Variants in RAB27A observed in about 807,000 individuals in gnomAD.
RAB27A encodes RAB27A, member RAS oncogene family, also known as ras-related protein Rab-27A.
In RAB27A, 17 loss-of-function variants were observed where a neutral mutation model predicts 20.8. That is an observed-to-expected ratio of 0.82 (90% confidence interval 0.56 to 1.23). RAB27A has a LOEUF of 1.23. Among genes scored for constraint, RAB27A ranks in the 50% most tolerant of loss-of-function variants. The pLI, the probability that RAB27A is intolerant of heterozygous loss-of-function variation, is 0.00. For missense variants in RAB27A, 277 were observed against 266.7 expected, an observed-to-expected ratio of 1.04 and a Z score of -0.27; for synonymous variants, 85 against 92.8, an observed-to-expected ratio of 0.92 and a Z score of 0.48.
intron 1 of RAB27A, chr15:55,314,240 T>G (rs2055034297): frequency 1.3e-5 from 2 of 151,876 alleles, no homozygotes; most frequent in Non-Finnish European, 2.9e-5. Flanking sequence ...GAATTTACAT[T>G]TTAAGAAAAA....
At chr15:55,212,686 C>T (rs1010928430) in intron 6 of RAB27A, among the ~76,000 whole-genome samples, 1 of 152,102 alleles carries the variant, frequency 6.6e-6, no homozygotes, top group Non-Finnish European at 1.5e-5. Context: ...GCTGCCACCA[C>T]GCCCGTTTAA....
Position 55,202,967 on chromosome 15 carries a change from T to G in RAB27A, c.*2540A>C, listed in dbSNP as rs1894466368. 6.6e-6 allele frequency: 1 copy of G among 152,224 alleles called. No individual in the cohort carries two copies. Among genetic ancestry groups the G allele is most frequent in the African/African-American group, 2.4e-5 (1 of 41,452 alleles). 9.4% of individuals were successfully genotyped at this position (152,224 alleles called of 1,614,324 possible). ...AATACAGTTACGTTCACACACAAATTTGACAGACTAGACCACTTTTTTATT... is the reference window on the plus strand; with the variant it reads ...AATACAGTTACGTTCACACACAAATGTGACAGACTAGACCACTTTTTTATT... On this transcript the variant is annotated 3_prime_UTR_variant, in exon 7 of 7. Transcript: ENST00000336787.
intron 6 of RAB27A, among the ~76,000 whole-genome samples, chr15:55,211,958 CTTTT>C (rs539618132): frequency 1.6e-5 from 2 of 124,342 alleles, no homozygotes; most frequent in Non-Finnish European, 3.4e-5. Flanking sequence ...GGACTATAAC[CTTTT>C]TTTTTTTTTT....
At chr15:55,269,085 G>C (rs1897614384) in intron 2 of RAB27A, among the ~76,000 whole-genome samples, 1 of 152,110 alleles carries the variant, frequency 6.6e-6, no homozygotes, top group Non-Finnish European at 1.5e-5. Flanking sequence ...CCTCAAAAGG[G>C]ACCAACCCCG....
At chr15:55,225,806 C>T (rs1895771968) in intron 5 of RAB27A, among the ~76,000 whole-genome samples, 1 of 152,144 alleles carries the variant, frequency 6.6e-6, no homozygotes, top group East Asian at 1.9e-4. Context: ...AGAAAAAAGT[C>T]ACCTACATAA....
chr15:55,233,420 A>C (rs1166111372), intron 3 of RAB27A, among the ~76,000 whole-genome samples: 3 of 152,226 alleles, frequency 2.0e-5, no homozygotes, highest in Non-Finnish European at 4.4e-5. Flanking sequence ...AAAATAGAAA[A>C]AGAAACAACA....
intron 2 of RAB27A, among the ~76,000 whole-genome samples, chr15:55,265,177 G>A (rs937722447): frequency 1.3e-5 from 2 of 152,148 alleles, no homozygotes; most frequent in Non-Finnish European, 2.9e-5. Context: ...AGGAGGCGGA[G>A]GTTGCAGCCA....
chr15:55,268,953 T>C (rs893934742), intron 2 of RAB27A, among the ~76,000 whole-genome samples: 4 of 152,160 alleles, frequency 2.6e-5, no homozygotes, highest in African/African-American at 9.7e-5. Flanking sequence ...TCATGGTCTC[T>C]TCACAAGAAA....
chr15:55,215,013 T>C (rs1895211734), intron 6 of RAB27A, among the ~76,000 whole-genome samples: 1 of 152,210 alleles, frequency 6.6e-6, no homozygotes, highest in South Asian at 2.1e-4. Context: ...TTGACCATTC[T>C]ATCACCTTTC....
intron 2 of RAB27A, among the ~76,000 whole-genome samples, chr15:55,252,959 C>CATCT (rs1896947920): frequency 6.6e-6 from 1 of 151,886 alleles, no homozygotes; most frequent in African/African-American, 2.4e-5. Context: ...TGGTGAAACC[C>CATCT]CAGCCCTACT....
chr15:55,317,297 T>C, intron 1 of RAB27A: 1 of 157,124 alleles, frequency 6.4e-6, no homozygotes. Flanking sequence ...TTCATCTCCA[T>C]GAGGTATTTG....
At chr15:55,268,926 T>C (rs1334993867) in intron 2 of RAB27A, among the ~76,000 whole-genome samples, 1 of 152,034 alleles carries the variant, frequency 6.6e-6, no homozygotes, top group Non-Finnish European at 1.5e-5. Context: ...GTCATTAGGG[T>C]GGGTCCTAAT....
intron 2 of RAB27A, among the ~76,000 whole-genome samples, chr15:55,245,095 T>C (rs375517091): frequency 6.6e-6 from 1 of 152,162 alleles, no homozygotes; most frequent in Non-Finnish European, 1.5e-5. Flanking sequence ...GTAGGGACAC[T>C]TGTATTTACC....
chr15:55,304,589 C>T (rs2054989661), intron 2 of RAB27A, among the ~76,000 whole-genome samples: 1 of 152,202 alleles, frequency 6.6e-6, no homozygotes, highest in African/African-American at 2.4e-5. Context: ...CTGTTCTAGA[C>T]ATGTCATACA....
At chr15:55,231,552 A>G (rs1016736314) in intron 3 of RAB27A, among the ~76,000 whole-genome samples, 7 of 152,150 alleles carry the variant, frequency 4.6e-5, no homozygotes, top group Non-Finnish European at 1.0e-4. Context: ...GTAAGCTTTG[A>G]GGTGTTTTTT....
intron 5 of RAB27A, among the ~76,000 whole-genome samples, chr15:55,226,857 G>C (rs999624526): frequency 8.3e-6 from 1 of 119,834 alleles, no homozygotes; most frequent in African/African-American, 3.2e-5. Context: ...AACAAGAGTA[G>C]AAACTCCATC....
intron 2 of RAB27A, among the ~76,000 whole-genome samples, chr15:55,295,583 G>A (rs1293760748): frequency 6.6e-6 from 1 of 152,178 alleles, no homozygotes; most frequent in Non-Finnish European, 1.5e-5. Flanking sequence ...CTAAGTGAAA[G>A]AAGTCAAACA....
chr15:55,311,304 G>A (rs1377302118), intron 2 of RAB27A, among the ~76,000 whole-genome samples: 1 of 152,168 alleles, frequency 6.6e-6, no homozygotes, highest in Admixed American at 6.6e-5. Context: ...AATTTACCTA[G>A]GTCTATTTTA....
At chr15:55,259,998 T>C (rs1023251759) in intron 2 of RAB27A, 2 of 152,232 alleles carry the variant, frequency 1.3e-5, no homozygotes, top group East Asian at 1.9e-4. Flanking sequence ...TGGAATTGCA[T>C]TGCATTGCAT....
Sources: allele counts gnomAD v4.1 joint callset (sites outside exome capture counted in the v4.1 genomes callset), GRCh38; gene constraint gnomAD v4.1.1; transcripts MANE v1.5; gene names NCBI Gene and HGNC (gene_info 2026-07-23, HGNC 2026-07-21).